C8A: variants seen among roughly 807,000 people sequenced by gnomAD.
C8A encodes complement C8 alpha chain, also known as complement component C8 alpha chain.
A neutral mutation model predicts 65.3 loss-of-function variants in C8A; 67 were observed. That is an observed-to-expected ratio of 1.03 (90% confidence interval 0.84 to 1.26). The LOEUF is 1.26. Among genes scored for constraint, C8A ranks in the 50% most tolerant of loss-of-function variants. C8A has a pLI of 0.00. For missense variants in C8A, 781 were observed against 723.9 expected (o/e 1.08, Z -0.90); for synonymous variants, 290 against 259.4 (o/e 1.12, Z -1.13).
At chr1:56,858,883 G>T (rs889715378) in intron 1 of C8A, among the ~76,000 whole-genome samples, 1 of 152,170 alleles carries the variant, frequency 6.6e-6, no homozygotes, top group Admixed American at 6.5e-5. Context: ...GGCTATGGAA[G>T]TTGCGCCAGT....
intron 8 of C8A, 99 bp from the exon 9 acceptor site, chr1:56,907,857 A>C (rs1320452229): frequency 7.2e-7 from 1 of 1,388,316 alleles, no homozygotes; most frequent in Admixed American, 1.7e-5. Context: ...TCTAAGGAAA[A>C]CATGTAAACT....
At chr1:56,909,531 A>G (rs544562437) in intron 9 of C8A, among the ~76,000 whole-genome samples, 45 of 152,344 alleles carry the variant, frequency 3.0e-4, no homozygotes, top group Admixed American at 6.5e-4. Flanking sequence ...TGTAAAATTG[A>G]TATCAGGAGT....
In C8A at chr1:56,908,048, A is replaced by G; in HGVS notation, c.1315A>G (p.Ser439Gly). The change falls in exon 9 of 11, where the codon AGC becomes GGC. Residue 439 changes from serine to glycine, a missense_variant. By Grantham distance (56) the Ser-to-Gly change is moderately conservative. Coordinates refer to ENST00000361249, the MANE Select transcript of C8A (RefSeq NM_000562.3). ...GAGCGGTGGCTTGGCACAGAACAGG[A>G]GCACCATTACATACCGTTCCTGGGG... ...GWSGGLAQNR[S>G]TITYRSWGRS... The G allele has an allele frequency of 6.2e-7, 1 of 1,614,168 alleles. No individual in the cohort carries two copies. The highest frequency in any genetic ancestry group is 8.5e-7 in the Non-Finnish European group (1 of 1,180,012).
chr1:56,909,245 C>T (rs911027134), intron 9 of C8A, among the ~76,000 whole-genome samples: 3 of 152,188 alleles, frequency 2.0e-5, no homozygotes, highest in Non-Finnish European at 4.4e-5. Context: ...AGCAAAAGAT[C>T]ATCATTTTCT....
intron 7 of C8A, among the ~76,000 whole-genome samples, chr1:56,889,336 T>C (rs1049001243): frequency 4.6e-5 from 7 of 152,190 alleles, no homozygotes; most frequent in African/African-American, 1.7e-4. Context: ...TCTACCTTCT[T>C]TCCTTTTGAC....
In C8A at chr1:56,885,311, C is replaced by A. The variant is rs1222092151; in HGVS notation, c.856-616C>A. Among the ~76,000 whole-genome samples the A allele has an allele frequency of 1.1e-4, 12 of 109,188 alleles. No homozygotes were observed. In the East Asian group the frequency reaches 2.3e-3, roughly 21 times the overall value. The allele number at this position is 109,188 out of a possible 152,430, so 71.6% of individuals were successfully genotyped here. ...ATAAATATATATTTATATATATTTA[C>A]ATAAATATATTTATTTAAATATATA... On this transcript the variant is annotated intron_variant, in intron 6 of 10. Transcript: ENST00000361249.
chr1:56,912,519 T>C lies in C8A; in HGVS notation c.1497T>C (p.Cys499=). Residue 499 remains cysteine (C), a synonymous_variant, in exon 10 of 11, where the codon TGT becomes TGC. Transcript: ENST00000361249. The part of the protein sequence containing the change: ...QYLMEFNACR[C]GPCFNNGVPI... Reference sequence around the variant, plus strand: ...TGATGGAATTCAATGCCTGCCGATGTGGGCCTTGCTTCAACAATGGGGTGC... The same window carrying C: ...TGATGGAATTCAATGCCTGCCGATGCGGGCCTTGCTTCAACAATGGGGTGC... 1.2e-6 allele frequency: 2 copies of C among 1,614,200 alleles called. No homozygotes were observed. Among genetic ancestry groups the C allele is most frequent in the Non-Finnish European group, 1.7e-6 (2 of 1,180,026 alleles).
At chr1:56,901,839 C>T (rs959934539) in intron 7 of C8A, among the ~76,000 whole-genome samples, 28 of 152,040 alleles carry the variant, frequency 1.8e-4, no homozygotes, top group Non-Finnish European at 3.7e-4. Flanking sequence ...GACCCTGCTG[C>T]CCTGTGTCAG....
intron 7 of C8A, among the ~76,000 whole-genome samples, chr1:56,900,648 T>TAG (rs1644419812): frequency 1.8e-5 from 2 of 110,508 alleles, no homozygotes; most frequent in Non-Finnish European, 3.8e-5. Context: ...ATATAGCATA[T>TAG]TAATCTAGCA....
intron 7 of C8A, among the ~76,000 whole-genome samples, chr1:56,902,141 C>T (rs950576487): frequency 6.6e-6 from 1 of 152,150 alleles, no homozygotes; most frequent in African/African-American, 2.4e-5. Flanking sequence ...CCAGCCTCAG[C>T]TTGGTCTCCT....
intron 6 of C8A, among the ~76,000 whole-genome samples, chr1:56,885,352 ATT>A (rs1644284457): frequency 1.1e-5 from 1 of 89,920 alleles, no homozygotes; most frequent in South Asian, 3.6e-4. Context: ...ATAAATATAT[ATT>A]TATGTAAATA....
rs760185454 is a variant in C8A, at chr1:56,867,719, C to T, written c.171+17C>T. 13 of 1,586,490 alleles carry T rather than the reference C, an allele frequency of 8.2e-6. No individual in the cohort carries two copies. Among genetic ancestry groups the T allele is most frequent in the Admixed American group, 1.7e-5 (1 of 59,872 alleles). On this transcript the variant is annotated intron_variant, in intron 2 of 10. Transcript: ENST00000361249. ...GACAAAAAGGTGAGACACTTACAAC[C>T]GGTTTGGGGGCATTTCATATTTGAT...
intron 2 of C8A, among the ~76,000 whole-genome samples, chr1:56,869,516 T>C (rs1024409374): frequency 1.3e-5 from 2 of 152,226 alleles, no homozygotes; most frequent in Admixed American, 6.5e-5. Context: ...TGACCTTTTT[T>C]TCCGCTTAGG....
intron 4 of C8A, 92 bp downstream of exon 4, chr1:56,876,301 G>T: frequency 6.6e-7 from 1 of 1,508,708 alleles, no homozygotes; most frequent in South Asian, 1.1e-5. Context: ...GGCCATTTTG[G>T]AGGGTTCCTC....
intron 1 of C8A, among the ~76,000 whole-genome samples, chr1:56,864,849 A>G (rs1320703997): frequency 1.3e-5 from 2 of 152,152 alleles, no homozygotes; most frequent in Non-Finnish European, 2.9e-5. Flanking sequence ...GGGAACTGTA[A>G]TTTCAAAACA....
chr1:56,893,351 A>T (rs559870700), intron 7 of C8A, among the ~76,000 whole-genome samples: 37 of 152,306 alleles, frequency 2.4e-4, no homozygotes, highest in African/African-American at 8.9e-4. Flanking sequence ...CTGTGAAATT[A>T]AGAAACATGC....
At chr1:56,909,992 G>T (rs1274708513) in intron 9 of C8A, among the ~76,000 whole-genome samples, 1 of 152,192 alleles carries the variant, frequency 6.6e-6, no homozygotes, top group Non-Finnish European at 1.5e-5. Context: ...GCCACGGGCA[G>T]GCTTTATAGC....
chr1:56,875,661 C>A (rs1336999363), intron 3 of C8A, among the ~76,000 whole-genome samples: 1 of 151,986 alleles, frequency 6.6e-6, no homozygotes, highest in South Asian at 2.1e-4. Flanking sequence ...TCCCAATCAG[C>A]CCAGAATGTT....
At chr1:56,856,424 C>T (rs1261418438) in intron 1 of C8A, among the ~76,000 whole-genome samples, 1 of 152,120 alleles carries the variant, frequency 6.6e-6, no homozygotes, top group Non-Finnish European at 1.5e-5. Context: ...AAGCTGTCAC[C>T]AGTGCTGCTG....
Sources: gnomAD v4.1 joint callset for allele counts (sites outside exome capture counted in the v4.1 genomes callset) on GRCh38, gnomAD v4.1.1 for gene constraint, MANE v1.5 for transcripts, NCBI Gene and HGNC (gene_info 2026-07-23, HGNC 2026-07-21) for gene names.